ELL: variants seen among roughly 807,000 people sequenced by gnomAD.
ELL encodes elongation factor for RNA polymerase II.
In ELL, 18 loss-of-function variants were observed where a neutral mutation model predicts 64.0. The ratio of observed to expected loss-of-function variants is 0.28; its 90% CI spans 0.19 to 0.42. The LOEUF is 0.42. Among genes scored for constraint, ELL ranks in the 10% least tolerant of loss-of-function variants. ELL has a pLI of 1.00. For missense variants in ELL, 797 were observed against 870.4 expected (o/e 0.92, Z 1.06); for synonymous variants, 399 against 376.2 (o/e 1.06, Z -0.70).
chr19:18,467,697 C>G (rs904354274), intron 2 of ELL, among the ~76,000 whole-genome samples: 3 of 130,818 alleles, frequency 2.3e-5, no homozygotes, highest in African/African-American at 8.8e-5. Context: ...CACACACAAT[C>G]TCCCCACACA....
chr19:18,503,466 G>A (rs1390044871), intron 1 of ELL, among the ~76,000 whole-genome samples: 1 of 152,230 alleles, frequency 6.6e-6, no homozygotes, highest in African/African-American at 2.4e-5. Context: ...CAGGCAGGAT[G>A]TGGGCTCTTG....
intron 5 of ELL, among the ~76,000 whole-genome samples, chr19:18,460,459 C>G (rs955488711): frequency 5.9e-5 from 9 of 152,238 alleles, no homozygotes; most frequent in Non-Finnish European, 7.3e-5. Flanking sequence ...AGCACAGACA[C>G]CTCCTGGCCA....
At chr19:18,452,957 G>A (rs1290275272) in intron 6 of ELL, among the ~76,000 whole-genome samples, 1 of 152,246 alleles carries the variant, frequency 6.6e-6, no homozygotes, top group Non-Finnish European at 1.5e-5. Context: ...AGACTCCACA[G>A]GGAGATGAAA....
Position 18,442,963 on chromosome 19 carries a change from T to C in ELL, c.*1789A>G. Reference sequence around the variant, plus strand: ...CCCAAAACACAAAACTTTTCTTAGCTTCATAATTCCTTAAAAGGAGAACAA... The same window carrying C: ...CCCAAAACACAAAACTTTTCTTAGCCTCATAATTCCTTAAAAGGAGAACAA... On this transcript the variant is annotated 3_prime_UTR_variant, in exon 12 of 12. Transcript: ENST00000262809. The C allele has an allele frequency of 4.3e-6, 1 of 231,842 alleles. No individual in the cohort carries two copies. The highest frequency in any genetic ancestry group is 6.1e-5 in the East Asian group (1 of 16,428). 14.4% of individuals were successfully genotyped at this position (231,842 alleles called of 1,614,324 possible). A position where few individuals can be genotyped will look rare whatever the true frequency, so the allele number is the denominator to read the frequency against.
intron 1 of ELL, among the ~76,000 whole-genome samples, chr19:18,489,996 G>A (rs1325141505): frequency 1.3e-5 from 2 of 152,140 alleles, no homozygotes; most frequent in African/African-American, 4.8e-5. Flanking sequence ...GCCCGTGCTG[G>A]TCCCTCAAGC....
chr19:18,495,199 C>T (rs1187176665), intron 1 of ELL, among the ~76,000 whole-genome samples: 9 of 152,032 alleles, frequency 5.9e-5, no homozygotes, highest in African/African-American at 1.9e-4. Flanking sequence ...GAGCCGAGAG[C>T]AGAAGTGCAG....
At position 18,481,441 on chromosome 19, in the gene ELL, C is replaced by A. The variant is rs113664750; in HGVS notation, c.136-8559G>T. Among the ~76,000 whole-genome samples the A allele has an allele frequency of 1.5e-3, 229 of 152,274 alleles. 4 individuals are homozygous for A. In the South Asian group the frequency reaches 0.017, roughly 11 times the overall value. On this transcript the variant is annotated intron_variant, in intron 1 of 11. Transcript: ENST00000262809. The stretch of plus-strand genomic sequence containing the variant: ...CTCCCTGGCTTGTGGCTGCATCACC[C>A]TAATCTCTGCCCACTGGGGTCATGC...
intron 4 of ELL, among the ~76,000 whole-genome samples, chr19:18,463,480 G>A (rs984436704): frequency 3.3e-5 from 5 of 151,740 alleles, no homozygotes; most frequent in South Asian, 2.1e-4. Flanking sequence ...GACTCCAGGC[G>A]CACGCCACCA....
chr19:18,520,467 C>A (rs940821910), intron 1 of ELL, among the ~76,000 whole-genome samples: 9 of 151,846 alleles, frequency 5.9e-5, no homozygotes, highest in Non-Finnish European at 8.8e-5. Flanking sequence ...TGACAAGGTG[C>A]GAACTTGCTC....
At chr19:18,447,884 A>G (rs909591817) in intron 8 of ELL, among the ~76,000 whole-genome samples, 9 of 151,890 alleles carry the variant, frequency 5.9e-5, no homozygotes, top group Admixed American at 5.9e-4. Flanking sequence ...TCCTGGGCTC[A>G]AGTGATCCTC....
chr19:18,471,821 C>CA (rs1363773796), intron 2 of ELL, among the ~76,000 whole-genome samples: 2 of 151,962 alleles, frequency 1.3e-5, no homozygotes, highest in Non-Finnish European at 2.9e-5. Context: ...AAACATATTT[C>CA]AAAAAAATGA....
intron 1 of ELL, among the ~76,000 whole-genome samples, chr19:18,500,983 A>G (rs1975768996): frequency 6.6e-6 from 1 of 151,994 alleles, no homozygotes; most frequent in Non-Finnish European, 1.5e-5. Context: ...CTGTGACTCC[A>G]CAGAGCAGAA....
Position 18,450,542 on chromosome 19 carries a change from C to A in ELL, c.1400G>T (p.Arg467Leu), listed in dbSNP as rs770568039. 1 of 1,613,140 alleles carries A rather than the reference C, an allele frequency of 6.2e-7. No individual in the cohort carries two copies. The highest frequency in any genetic ancestry group is 1.3e-5 in the African/African-American group (1 of 75,020). ...DKERAAEDKP[R>L]AQLPDCAPAT... ...AGGTGCACAGTCTGGAAGCTGGGCCCGGGGCTTGTCCTCAGCCGCCCTCTC... is the reference window on the plus strand; with the variant it reads ...AGGTGCACAGTCTGGAAGCTGGGCCAGGGGCTTGTCCTCAGCCGCCCTCTC... The change falls in exon 8 of 12, where the codon CGG (arginine) becomes CTG (leucine). Residue 467 changes from arginine to leucine, a missense_variant. Coordinates refer to ENST00000262809, the MANE Select transcript of ELL (RefSeq NM_006532.4).
rs374724148 is a variant in ELL at position 18,458,342 on chromosome 19, G to A, written c.745-13C>T. On this transcript the variant is annotated splice_polypyrimidine_tract_variant and intron_variant, in intron 5 of 11. Transcript: ENST00000262809. Reference sequence around the variant, plus strand: ...TCATGTTGGCCACCTGCAAGACAGAGCCAGCCATCACTTTGTGGGAATCCT... The same window carrying A: ...TCATGTTGGCCACCTGCAAGACAGAACCAGCCATCACTTTGTGGGAATCCT... The A allele has an allele frequency of 6.2e-7, 1 of 1,606,094 alleles. No individual in the cohort carries two copies. The highest frequency in any genetic ancestry group is 1.3e-5 in the African/African-American group (1 of 74,734).
chr19:18,501,511 G>C lies in ELL; in HGVS notation c.135+20410C>G, dbSNP rs1042338029. Reference sequence around the variant, plus strand: ...CAGGCCAGCCGGGGCCTTGGAGTGAGGGGCCACTGGCAGAAGGGAGCAAGA... The same window carrying C: ...CAGGCCAGCCGGGGCCTTGGAGTGACGGGCCACTGGCAGAAGGGAGCAAGA... On this transcript the variant is annotated intron_variant, in intron 1 of 11. Transcript: ENST00000262809. This position sits in a 1 kb window ranked among gnomAD's most constrained non-coding sequence, Gnocchi z 4.5. Among the ~76,000 whole-genome samples, 2 of 152,194 alleles carry C rather than the reference G, an allele frequency of 1.3e-5. No homozygotes were observed. Among genetic ancestry groups the C allele is most frequent in the Non-Finnish European group, 2.9e-5 (2 of 68,034 alleles).
intron 2 of ELL, among the ~76,000 whole-genome samples, chr19:18,472,164 T>C (rs1275905323): frequency 6.6e-6 from 1 of 152,062 alleles, no homozygotes; most frequent in African/African-American, 2.4e-5. Context: ...TTTCTCTACG[T>C]TGGTCAGGCT....
At chr19:18,464,755 T>C (rs911323797) in intron 4 of ELL, among the ~76,000 whole-genome samples, 1 of 152,250 alleles carries the variant, frequency 6.6e-6, no homozygotes, top group African/African-American at 2.4e-5. Flanking sequence ...TTCCCATGAC[T>C]CCTGGAGCTC....
At chr19:18,484,496 C>G (rs1975370428) in intron 1 of ELL, among the ~76,000 whole-genome samples, 1 of 152,028 alleles carries the variant, frequency 6.6e-6, no homozygotes, top group African/African-American at 2.4e-5. Context: ...TAAAAATTAG[C>G]CAGGTGTGGT....
At chr19:18,463,922 G>A (rs1196339128) in intron 4 of ELL, among the ~76,000 whole-genome samples, 2 of 151,196 alleles carry the variant, frequency 1.3e-5, no homozygotes, top group Non-Finnish European at 2.9e-5. Context: ...GGAGGCGGAG[G>A]TTGCAGTGAG....
Sources: gnomAD v4.1 joint callset for allele counts (sites outside exome capture counted in the v4.1 genomes callset) on GRCh38, gnomAD v4.1.1 for gene constraint, Gnocchi (gnomAD v3.1) non-coding constraint, MANE v1.5 for transcripts, NCBI Gene and HGNC (gene_info 2026-07-23, HGNC 2026-07-21) for gene names.